The following PARD3B variants were observed in gnomAD, a reference collection of about 807,000 sequenced individuals.
The protein encoded by PARD3B is par-3 family cell polarity regulator beta.
In PARD3B, 103 loss-of-function variants were observed where a neutral mutation model predicts 130.2. That is an observed-to-expected ratio of 0.79 (90% CI 0.67 to 0.93). The LOEUF is 0.93. PARD3B is among the 40% of genes least tolerant of loss of function. PARD3B has a pLI of 0.00. For missense variants in PARD3B, 1,609 were observed against 1,499.2 expected, an observed-to-expected ratio of 1.07 and a Z score of -1.21; for synonymous variants, 583 against 553.2, an observed-to-expected ratio of 1.05 and a Z score of -0.76.
intron 2 of PARD3B, among the ~76,000 whole-genome samples, chr2:204,833,968 C>T (rs1019769304): frequency 1.3e-5 from 2 of 152,166 alleles, no homozygotes; most frequent in Non-Finnish European, 2.9e-5. Flanking sequence ...ATCGCAGAAG[C>T]CTGTCTTCGT....
intron 16 of PARD3B, among the ~76,000 whole-genome samples, chr2:205,250,232 T>C (rs1370676903): frequency 6.8e-6 from 1 of 147,700 alleles, no homozygotes; most frequent in Non-Finnish European, 1.5e-5. Context: ...TAGTGTCTTC[T>C]TTTTTTTTTG....
chr2:205,615,576 C>T lies in PARD3B; in HGVS notation c.3381C>T (p.Pro1127=). The T allele has an allele frequency of 6.2e-7, 1 of 1,614,104 alleles. No homozygotes were observed. Among genetic ancestry groups the T allele is most frequent in the East Asian group, 2.2e-5 (1 of 44,864 alleles). The change falls in exon 23 of 23, where the codon CCC becomes CCT. Residue 1127 remains proline, a synonymous_variant. Transcript: ENST00000406610. ...TGCACCCTCCCAAAGGGAGCTATCC[C>T]CGCCCCACAGAGCTCAGGGTGGCAG... ...HPMHPPKGSY[P]RPTELRVADL...
chr2:205,494,521 A>G (rs1382434541), intron 20 of PARD3B, among the ~76,000 whole-genome samples: 1 of 152,180 alleles, frequency 6.6e-6, no homozygotes, highest in Non-Finnish European at 1.5e-5. Context: ...ATATAATATT[A>G]ATTGCCCAGA....
chr2:205,520,082 G>GTGTT (rs1447455334), intron 21 of PARD3B, among the ~76,000 whole-genome samples: 2 of 152,164 alleles, frequency 1.3e-5, no homozygotes, highest in Non-Finnish European at 2.9e-5. Context: ...AGAGATCTCA[G>GTGTT]TGTTTTTGTT....
intron 20 of PARD3B, among the ~76,000 whole-genome samples, chr2:205,477,192 A>G (rs903615372): frequency 1.3e-5 from 2 of 152,174 alleles, no homozygotes; most frequent in African/African-American, 4.8e-5. Flanking sequence ...ATAACATGGA[A>G]TATTCTTCTG....
intron 15 of PARD3B, among the ~76,000 whole-genome samples, chr2:205,218,640 T>G (rs1408644809): frequency 6.6e-6 from 1 of 152,118 alleles, no homozygotes; most frequent in Admixed American, 6.6e-5. Context: ...TTATTTAATG[T>G]AGGAGGGGGA....
intron 3 of PARD3B, among the ~76,000 whole-genome samples, chr2:205,041,631 G>A (rs1288120117): frequency 1.3e-5 from 2 of 151,820 alleles, no homozygotes; most frequent in African/African-American, 2.4e-5. Flanking sequence ...CCCCCACCCC[G>A]AGAGCTGTCC....
At chr2:205,404,016 A>G (rs1422426829) in intron 19 of PARD3B, among the ~76,000 whole-genome samples, 1 of 152,226 alleles carries the variant, frequency 6.6e-6, no homozygotes, top group South Asian at 2.1e-4. Flanking sequence ...TACAAAAGCA[A>G]TATCAGTTCA....
intron 15 of PARD3B, among the ~76,000 whole-genome samples, chr2:205,239,790 T>C (rs1476496092): frequency 6.6e-6 from 1 of 152,192 alleles, no homozygotes; most frequent in Non-Finnish European, 1.5e-5. Flanking sequence ...TTTCAGCTGC[T>C]GAGTTCTGAT....
rs1268359123 is a variant in PARD3B at position 204,907,118 on chromosome 2, T to A, written c.223-58034T>A. On this transcript the variant is annotated intron_variant, in intron 2 of 22. Coordinates refer to ENST00000406610, the MANE Select transcript of PARD3B (RefSeq NM_001302769.2). This position sits in a 1 kb window ranked among gnomAD's most constrained non-coding sequence, Gnocchi z 5.7. Reference sequence around the variant, plus strand: ...GCCTCAGCCTCCCAAGTAGCTGGGATTACAGGTGCCCACCACCACACCCGG... The same window carrying A: ...GCCTCAGCCTCCCAAGTAGCTGGGAATACAGGTGCCCACCACCACACCCGG... 2.6e-5 allele frequency among the ~76,000 whole-genome samples: 4 copies of A among 152,080 alleles called. No homozygotes were observed. The highest frequency in any genetic ancestry group is 9.7e-5 in the African/African-American group (4 of 41,404).
At chr2:204,742,177 G>A (rs935113474) in intron 2 of PARD3B, among the ~76,000 whole-genome samples, 3 of 152,046 alleles carry the variant, frequency 2.0e-5, no homozygotes, top group African/African-American at 7.3e-5. Flanking sequence ...TTCTGAATAA[G>A]TATTTCTTAT....
chr2:205,131,574 G>C (rs944970136), intron 10 of PARD3B, among the ~76,000 whole-genome samples: 7 of 152,130 alleles, frequency 4.6e-5, no homozygotes, highest in African/African-American at 1.7e-4. Flanking sequence ...GTGATAAGTG[G>C]ATCAAATGAG....
chr2:204,704,124 A>G (rs780600556), intron 2 of PARD3B, among the ~76,000 whole-genome samples: 4 of 152,174 alleles, frequency 2.6e-5, no homozygotes, highest in South Asian at 4.1e-4. Flanking sequence ...CATCATTTCT[A>G]AGTATGCAGT....
At chr2:204,648,673 A>G (rs1322107835) in intron 1 of PARD3B, among the ~76,000 whole-genome samples, 1 of 104,534 alleles carries the variant, frequency 9.6e-6, no homozygotes, top group African/African-American at 3.9e-5. Context: ...AATATATATC[A>G]TATAAATAAT....
intron 18 of PARD3B, among the ~76,000 whole-genome samples, chr2:205,302,338 T>A (rs2042041162): frequency 6.6e-6 from 1 of 151,688 alleles, no homozygotes; most frequent in South Asian, 2.1e-4. Context: ...CCCAAAGTGC[T>A]GGGGTTTCAG....
chr2:204,684,413 TA>T (rs1355906698), intron 1 of PARD3B, among the ~76,000 whole-genome samples: 1 of 152,242 alleles, frequency 6.6e-6, no homozygotes, highest in East Asian at 1.9e-4. Flanking sequence ...ACTCTTTTTA[TA>T]AGCAGACTTT....
At chr2:204,563,217 G>GTCTGTCTCTCTCTCTCTCTCTC (rs1553541986) in intron 1 of PARD3B, among the ~76,000 whole-genome samples, 2 of 86,598 alleles carry the variant, frequency 2.3e-5, no homozygotes, top group African/African-American at 8.9e-5. Flanking sequence ...TCTTCCCGCT[G>GTCTGTCTCTCTCTCTCTCTCTC]TCTCTCTCTC....
At chr2:204,568,844 A>G (rs904248298) in intron 1 of PARD3B, among the ~76,000 whole-genome samples, 2 of 151,538 alleles carry the variant, frequency 1.3e-5, no homozygotes, top group Non-Finnish European at 2.9e-5. Context: ...AATCCCGACT[A>G]CTCGGGGGGC....
rs1034737765 is a variant in PARD3B at position 205,078,916 on chromosome 2, T to C, written c.505-25510T>C. On this transcript the variant is annotated intron_variant, in intron 4 of 22. Transcript: ENST00000406610. The surrounding 1 kb of genome is among the most constrained non-coding windows in gnomAD (Gnocchi z 4.0). ...CAGATCTCCCAGCTTCCAGCTCGCA[T>C]CAATGGCCAGCCACGTAAGTGAGCC... 6.6e-6 allele frequency among the ~76,000 whole-genome samples: 1 copy of C among 152,200 alleles called. No individual in the cohort carries two copies. The highest frequency in any genetic ancestry group is 1.5e-5 in the Non-Finnish European group (1 of 68,026).
Sources: allele counts gnomAD v4.1 joint callset (sites outside exome capture counted in the v4.1 genomes callset), GRCh38; gene constraint gnomAD v4.1.1; non-coding constraint Gnocchi (gnomAD v3.1); transcripts MANE v1.5; gene names NCBI Gene and HGNC (gene_info 2026-07-23, HGNC 2026-07-21).